The following SYT9 variants were observed in gnomAD, a reference collection of about 807,000 sequenced individuals.
The protein encoded by SYT9 is synaptotagmin 9.
A neutral mutation model predicts 48.4 loss-of-function variants in SYT9; 22 were observed. The observed-to-expected ratio is 0.45, with a 90% confidence interval of 0.32 to 0.65. The LOEUF (loss-of-function observed/expected upper bound fraction) is 0.65. Ranked by LOEUF, SYT9 falls within the 30% of genes least tolerant of loss-of-function variation. The probability of loss-of-function intolerance (pLI) is 0.03; values close to 1 mark genes in which losing one functional copy is unlikely to be tolerated. For missense variants in SYT9, 577 were observed against 622.0 expected, an observed-to-expected ratio of 0.93 and a Z score of 0.77; for synonymous variants, 265 against 245.0, an observed-to-expected ratio of 1.08 and a Z score of -0.76.
chr11:7,364,390 A>G (rs1026176773), intron 3 of SYT9, among the ~76,000 whole-genome samples: 7 of 152,332 alleles, frequency 4.6e-5, no homozygotes, highest in African/African-American at 1.7e-4. Flanking sequence ...CAATCAATAC[A>G]TAGCTACATT....
intron 1 of SYT9, among the ~76,000 whole-genome samples, chr11:7,274,634 G>A (rs1438022525): frequency 6.6e-6 from 1 of 152,026 alleles, no homozygotes; most frequent in Non-Finnish European, 1.5e-5. Flanking sequence ...ATGTTTTAAT[G>A]ATGTTAGTTT....
At chr11:7,345,827 AGAG>A (rs1336816905) in intron 3 of SYT9, among the ~76,000 whole-genome samples, 2 of 152,258 alleles carry the variant, frequency 1.3e-5, no homozygotes, top group African/African-American at 4.8e-5. Flanking sequence ...GAGTGATAAA[AGAG>A]GAGGACAGAG....
chr11:7,242,909 G>A (rs1250741055), intron 1 of SYT9, among the ~76,000 whole-genome samples: 1 of 152,142 alleles, frequency 6.6e-6, no homozygotes, highest in Non-Finnish European at 1.5e-5. Flanking sequence ...AGCTAGGCAT[G>A]ATGGTGGGTG....
intron 3 of SYT9, among the ~76,000 whole-genome samples, chr11:7,346,348 G>T (rs928157971): frequency 1.3e-5 from 2 of 152,218 alleles, no homozygotes; most frequent in Non-Finnish European, 2.9e-5. Flanking sequence ...CAGCAGAGGG[G>T]GTTCCTGTGG....
intron 3 of SYT9, among the ~76,000 whole-genome samples, chr11:7,347,424 G>A (rs895177806): frequency 2.6e-5 from 4 of 151,900 alleles, no homozygotes; most frequent in Admixed American, 6.6e-5. Flanking sequence ...TAGTGGAGAC[G>A]GGGTTCTACC....
At chr11:7,356,506 C>A (rs1294247489) in intron 3 of SYT9, among the ~76,000 whole-genome samples, 2 of 152,120 alleles carry the variant, frequency 1.3e-5, no homozygotes, top group Non-Finnish European at 2.9e-5. Context: ...GCGAGCCCTC[C>A]AGGGAGGGAA....
intron 3 of SYT9, among the ~76,000 whole-genome samples, chr11:7,330,234 T>C (rs558109389): frequency 9.2e-5 from 14 of 152,264 alleles, no homozygotes; most frequent in African/African-American, 3.4e-4. Flanking sequence ...AATGTGTGCA[T>C]AATATACACA....
At chr11:7,342,945 T>G (rs1037736429) in intron 3 of SYT9, among the ~76,000 whole-genome samples, 3 of 152,216 alleles carry the variant, frequency 2.0e-5, no homozygotes, top group Admixed American at 2.0e-4. Context: ...TTGCCAAGGC[T>G]TGGGGATTGC....
chr11:7,405,141 C>A (rs1846981080), intron 3 of SYT9, among the ~76,000 whole-genome samples: 1 of 148,364 alleles, frequency 6.7e-6, no homozygotes, highest in Admixed American at 6.7e-5. Flanking sequence ...TTATATTTGA[C>A]TTTTATTATC....
intron 3 of SYT9, among the ~76,000 whole-genome samples, chr11:7,377,485 T>G (rs184827119): frequency 6.6e-6 from 1 of 152,272 alleles, no homozygotes; most frequent in East Asian, 1.9e-4. Context: ...AGGCAGATCC[T>G]CTTTTACTAA....
chr11:7,328,876 A>AT (rs1008833052), intron 3 of SYT9, among the ~76,000 whole-genome samples: 1 of 151,952 alleles, frequency 6.6e-6, no homozygotes, highest in Non-Finnish European at 1.5e-5. Flanking sequence ...TGTGTGGATA[A>AT]TTTTTTTTCT....
chr11:7,285,123 T>C (rs1848572991), intron 1 of SYT9, among the ~76,000 whole-genome samples: 1 of 152,176 alleles, frequency 6.6e-6, no homozygotes, highest in Non-Finnish European at 1.5e-5. Flanking sequence ...TTCATAGGAA[T>C]TTGGGAGCTA....
chr11:7,248,772 A>G (rs1185289910), upstream of SYT9, among the ~76,000 whole-genome samples: 1 of 152,166 alleles, frequency 6.6e-6, no homozygotes, highest in East Asian at 1.9e-4. Context: ...GCAATCTACA[A>G]ATTCAACACA....
chr11:7,317,006 C>T (rs1360539383), intron 3 of SYT9, among the ~76,000 whole-genome samples: 1 of 152,140 alleles, frequency 6.6e-6, no homozygotes, highest in East Asian at 1.9e-4. Flanking sequence ...GGATGCAAAT[C>T]CCTTGTTGGT....
chr11:7,463,362 T>C (rs1443026285), intron 6 of SYT9, among the ~76,000 whole-genome samples: 1 of 152,222 alleles, frequency 6.6e-6, no homozygotes, highest in Non-Finnish European at 1.5e-5. Flanking sequence ...TTTTCTCACA[T>C]TTTGTTTTAT....
intron 3 of SYT9, among the ~76,000 whole-genome samples, chr11:7,395,144 G>T (rs964246591): frequency 2.0e-5 from 3 of 152,108 alleles, no homozygotes; most frequent in South Asian, 2.1e-4. Flanking sequence ...AACCCAATTT[G>T]CAGTCTCTTA....
At chr11:7,244,057 C>A (rs961641320) in intron 1 of SYT9, among the ~76,000 whole-genome samples, 37 of 151,984 alleles carry the variant, frequency 2.4e-4, no homozygotes, top group African/African-American at 8.7e-4. Context: ...TGTTCTGAAA[C>A]GATGAACAAA....
chr11:7,418,037 A>C lies in SYT9; in HGVS notation c.1246A>C (p.Asn416His). ...RKTSTKRNTL[N>H]PVYNEAIVFD... is the part of the protein sequence containing the mutation. ...AACATCCACCAAGAGGAACACCTTG[A>C]ATCCTGTTTACAACGAAGCCATAGT... Residue 416 changes from asparagine to histidine, a missense_variant, in exon 5 of 7, where the codon AAT (asparagine) becomes CAT (histidine). Physicochemically the swap from Asn to His is moderately conservative, Grantham distance 68. Coordinates refer to ENST00000318881, the MANE Select transcript of SYT9 (RefSeq NM_175733.4). The C allele has an allele frequency of 1.9e-6, 3 of 1,614,182 alleles. No individual in the cohort carries two copies. The highest frequency in any genetic ancestry group is 2.5e-6 in the Non-Finnish European group (3 of 1,180,032).
chr11:7,317,378 T>C (rs1263645731), intron 3 of SYT9, among the ~76,000 whole-genome samples: 2 of 152,172 alleles, frequency 1.3e-5, no homozygotes, highest in African/African-American at 4.8e-5. Context: ...TTCTTAGAGT[T>C]CTGGAGCCTG....
Sources: allele counts gnomAD v4.1 joint callset (sites outside exome capture counted in the v4.1 genomes callset), GRCh38; gene constraint gnomAD v4.1.1; transcripts MANE v1.5; gene names NCBI Gene and HGNC (gene_info 2026-07-23, HGNC 2026-07-21).